PREX1: variants seen among roughly 807,000 people sequenced by gnomAD.
PREX1 encodes phosphatidylinositol 3,4,5-trisphosphate-dependent Rac exchanger 1 protein.
In PREX1, 41 loss-of-function variants were observed where a neutral mutation model predicts 198.3. The observed-to-expected ratio is 0.21, with a 90% CI of 0.16 to 0.27. The LOEUF (loss-of-function observed/expected upper bound fraction) is 0.27. Among genes scored for constraint, PREX1 ranks in the 10% least tolerant of loss-of-function variants. The probability of loss-of-function intolerance (pLI) is 1.00; values close to 1 mark genes in which losing one functional copy is unlikely to be tolerated. For synonymous variants in PREX1, 843 were observed against 887.2 expected, an observed-to-expected ratio of 0.95 and a Z score of 0.89; for missense variants, 1,620 against 2,200.7, an observed-to-expected ratio of 0.74 and a Z score of 5.28.
At chr20:48,679,935 C>T (rs2089738020) in intron 11 of PREX1, among the ~76,000 whole-genome samples, 181 bp from the exon 12 acceptor site, 4 of 151,920 alleles carry the variant, frequency 2.6e-5, no homozygotes, top group Admixed American at 2.0e-4. Context: ...GAGGTGGGTG[C>T]TATGACTTCC....
At chr20:48,663,052 C>T (rs373241928) in intron 15 of PREX1, among the ~76,000 whole-genome samples, 31 of 152,282 alleles carry the variant, frequency 2.0e-4, no homozygotes, top group African/African-American at 7.2e-4. Flanking sequence ...ATGAGGTAGA[C>T]ACATGAAAAT....
chr20:48,850,614 G>GT, the PREX1 span, among the ~76,000 whole-genome samples: 1,149 of 150,880 alleles, frequency 7.6e-3, 12 homozygotes, highest in African/African-American at 0.02. Flanking sequence ...AAAATATTTT[G>GT]TTTTTTTTTA....
chr20:48,628,876 GC>G (rs2089292523), intron 37 of PREX1, among the ~76,000 whole-genome samples: 1 of 152,304 alleles, frequency 6.6e-6, no homozygotes, highest in South Asian at 2.1e-4. Flanking sequence ...AACAAAAGGG[GC>G]CCCTGCCCTC....
rs903235714 is a variant in PREX1 at position 48,666,814 on chromosome 20, C to T, written c.1666-459G>A. On this transcript the variant is annotated intron_variant, in intron 14 of 39. Coordinates refer to ENST00000371941, the MANE Select transcript of PREX1 (RefSeq NM_020820.4). The surrounding 1 kb of genome is among the most constrained non-coding windows in gnomAD (Gnocchi z 4.3). ...TGCTGGAATTACAGGCATGAGCCACCACGCCTGGCCCCATTTGTGATTATT... is the reference window on the plus strand; with the variant it reads ...TGCTGGAATTACAGGCATGAGCCACTACGCCTGGCCCCATTTGTGATTATT... Among the ~76,000 whole-genome samples the T allele has an allele frequency of 6.6e-6, 1 of 152,204 alleles. No individual in the cohort carries two copies. Among genetic ancestry groups the T allele is most frequent in the African/African-American group, 2.4e-5 (1 of 41,446 alleles).
chr20:48,800,123 T>C (rs2090379944), intron 1 of PREX1, among the ~76,000 whole-genome samples: 1 of 152,200 alleles, frequency 6.6e-6, no homozygotes, highest in Non-Finnish European at 1.5e-5. Flanking sequence ...TCATTTAAAC[T>C]TCACTACAAC....
At chr20:48,826,225 G>T (rs1300225141) in intron 1 of PREX1, among the ~76,000 whole-genome samples, 1 of 152,058 alleles carries the variant, frequency 6.6e-6, no homozygotes, top group Non-Finnish European at 1.5e-5. Flanking sequence ...CCTGAACCAG[G>T]ATTAAAAGAC....
At chr20:48,873,615 G>A in the PREX1 span, among the ~76,000 whole-genome samples, 1 of 151,058 alleles carries the variant, frequency 6.6e-6, no homozygotes, top group Admixed American at 6.6e-5. Flanking sequence ...AGCTACTTGG[G>A]AGGCTGAGGC....
intron 33 of PREX1, 23 bp downstream of exon 33, chr20:48,634,653 G>A (rs370947154): frequency 4.3e-6 from 7 of 1,609,442 alleles, no homozygotes; most frequent in African/African-American, 2.7e-5. Flanking sequence ...CTCTCACAGT[G>A]GGGGATGGGA....
chr20:48,753,241 C>T (rs193140279), intron 1 of PREX1, among the ~76,000 whole-genome samples: 41 of 152,216 alleles, frequency 2.7e-4, no homozygotes, highest in African/African-American at 9.6e-4. Context: ...CAACAAGCTC[C>T]CACTTAATGG....
intron 27 of PREX1, 100 bp from the exon 28 acceptor site, chr20:48,642,589 A>T: frequency 5.6e-6 from 6 of 1,063,304 alleles, no homozygotes; most frequent in Non-Finnish European, 6.8e-6. Flanking sequence ...AGAACTCCAA[A>T]CCCACAAGGG....
At chr20:48,803,506 T>C (rs2090396837) in intron 1 of PREX1, among the ~76,000 whole-genome samples, 1 of 151,492 alleles carries the variant, frequency 6.6e-6, no homozygotes, top group Admixed American at 6.6e-5. Context: ...GCAAAAGAGG[T>C]ATGTACAGGG....
chr20:48,759,549 C>CAA (rs386393896), intron 1 of PREX1, among the ~76,000 whole-genome samples: 29,560 of 73,416 alleles, frequency 0.4, 4,456 homozygotes, highest in South Asian at 0.45. Context: ...GATTCCATCT[C>CAA]AAAAAAAAAA....
At chr20:48,644,639 C>T (rs1326672864) in intron 26 of PREX1, 142 bp from the exon 27 acceptor site, 33 of 704,806 alleles carry the variant, frequency 4.7e-5, no homozygotes, top group South Asian at 4.2e-4. Context: ...CACCGAGCAC[C>T]GGTCCTGGGT....
chr20:48,744,974 G>A, intron 3 of PREX1, 51 bp downstream of exon 3: 1 of 1,601,072 alleles, frequency 6.2e-7, no homozygotes, highest in Non-Finnish European at 8.5e-7. Context: ...CCAGGGAGAA[G>A]CCCACTTTTC....
the PREX1 span, among the ~76,000 whole-genome samples, chr20:48,867,972 G>A: frequency 6.6e-6 from 1 of 151,460 alleles, no homozygotes; most frequent in Non-Finnish European, 1.5e-5. Flanking sequence ...GCCTCCCAAA[G>A]TGCTGGGATT....
At chr20:48,722,918 T>C (rs2089992443) in intron 5 of PREX1, among the ~76,000 whole-genome samples, 1 of 152,164 alleles carries the variant, frequency 6.6e-6, no homozygotes, top group Admixed American at 6.5e-5. Flanking sequence ...AGGAAATAAC[T>C]AAGAAGATCA....
At chr20:48,630,576 G>A in intron 36 of PREX1, 152 bp downstream of exon 36, 1 of 612,206 alleles carries the variant, frequency 1.6e-6, no homozygotes, top group Admixed American at 2.7e-5. Flanking sequence ...GCTATCATGG[G>A]AGACTTCCTG....
the PREX1 span, among the ~76,000 whole-genome samples, chr20:48,876,455 G>C: frequency 2.0e-5 from 3 of 152,216 alleles, no homozygotes; most frequent in African/African-American, 7.2e-5. Flanking sequence ...AGGGAATAGA[G>C]CTTTGCTTGT....
At chr20:48,818,680 A>G (rs2123068795) in intron 1 of PREX1, among the ~76,000 whole-genome samples, 1 of 152,374 alleles carries the variant, frequency 6.6e-6, no homozygotes, top group East Asian at 1.9e-4. Flanking sequence ...GAGAGCTAAT[A>G]GACAGTAAAG....
Sources: gnomAD v4.1 joint callset for allele counts (sites outside exome capture counted in the v4.1 genomes callset) on GRCh38, gnomAD v4.1.1 for gene constraint, Gnocchi (gnomAD v3.1) non-coding constraint, MANE v1.5 for transcripts, NCBI Gene and HGNC (gene_info 2026-07-23, HGNC 2026-07-21) for gene names.